The following EPS8L3 variants were observed in gnomAD, a reference collection of about 807,000 sequenced individuals.
The protein encoded by EPS8L3 is epidermal growth factor receptor kinase substrate 8-like protein 3.
A neutral mutation model predicts 88.5 loss-of-function variants in EPS8L3; 80 were observed. That is an observed-to-expected ratio of 0.90 (90% CI 0.75 to 1.09). The LOEUF is 1.09. Ranked by LOEUF, EPS8L3 falls within the 50% of genes least tolerant of loss-of-function variation. The pLI is 0.00. For synonymous variants in EPS8L3, 286 were observed against 291.0 expected (o/e 0.98, Z 0.18); for missense variants, 721 against 735.2 (o/e 0.98, Z 0.22).
chr1:109,758,806 CA>C (rs1650580320), intron 6 of EPS8L3, 143 bp from the exon 7 acceptor site: 1 of 1,113,948 alleles, frequency 9.0e-7, no homozygotes, highest in South Asian at 1.6e-5. Flanking sequence ...CTTCTGGACC[CA>C]CCCCTGACTC....
At position 109,758,561 on chromosome 1, in the gene EPS8L3, G is replaced by A; in HGVS notation, c.564C>T (p.Ile188=). 6.2e-7 allele frequency: 1 copy of A among 1,612,784 alleles called. No individual in the cohort carries two copies. Among genetic ancestry groups the A allele is most frequent in the Non-Finnish European group, 8.5e-7 (1 of 1,179,252 alleles). ...MEQARYLEPG[I]PPEQPHQRTL... ...TCCTCTGGTGGGGCTGTTCTGGAGGGATCCCCGGCTCCAGATAGCGTGCCT... is the reference window on the plus strand; with the variant it reads ...TCCTCTGGTGGGGCTGTTCTGGAGGAATCCCCGGCTCCAGATAGCGTGCCT... Residue 188 remains isoleucine (I), a synonymous_variant, in exon 7 of 19, where the codon ATC becomes ATT. Transcript: ENST00000361965.
intron 12 of EPS8L3, 79 bp downstream of exon 12, chr1:109,756,938 G>T: frequency 6.3e-7 from 1 of 1,575,830 alleles, no homozygotes; most frequent in Non-Finnish European, 8.7e-7. Context: ...ACAACATAGA[G>T]CCTGGCCACC....
At chr1:109,762,650 CA>C (rs1196495578) in intron 1 of EPS8L3, among the ~76,000 whole-genome samples, 2 of 152,204 alleles carry the variant, frequency 1.3e-5, no homozygotes, top group African/African-American at 4.8e-5. Flanking sequence ...ACGTGCCTAG[CA>C]CTGTTCTAAC....
At position 109,750,754 on chromosome 1, in the gene EPS8L3, A is replaced by G. The variant is rs1189960720; in HGVS notation, c.1676T>C (p.Leu559Pro). ...TAGCTCCCCAGGTCTTATGCGAAGT[A>G]GCTGGCTCCCCGTCAGGGACCCAAG... Reference protein sequence around the residue: ...RTLGSLTGSQLLRIRPGELQM... With the variant: ...RTLGSLTGSQPLRIRPGELQM... Residue 559 changes from leucine (L) to proline (P), a missense_variant, in exon 18 of 19, where the codon CTA (leucine) becomes CCA (proline). Transcript: ENST00000361965. 6.2e-7 allele frequency: 1 copy of G among 1,614,214 alleles called. No homozygotes were observed. Among genetic ancestry groups the G allele is most frequent in the Admixed American group, 1.7e-5 (1 of 60,026 alleles).
At chr1:109,754,519 A>G (rs1650100992) in intron 12 of EPS8L3, among the ~76,000 whole-genome samples, 2 of 152,264 alleles carry the variant, frequency 1.3e-5, no homozygotes, top group Non-Finnish European at 2.9e-5. Flanking sequence ...CACATCTGAC[A>G]ATATTACATT....
At chr1:109,756,954 T>C (rs986204847) in intron 12 of EPS8L3, 63 bp downstream of exon 12, 73 of 1,605,854 alleles carry the variant, frequency 4.5e-5, no homozygotes, top group Non-Finnish European at 6.1e-5. Context: ...CCACCTCTGA[T>C]GTCCTGCCTG....
chr1:109,756,889 A>G (rs1650333774), intron 12 of EPS8L3, 128 bp downstream of exon 12: 2 of 1,211,860 alleles, frequency 1.7e-6, no homozygotes, highest in Non-Finnish European at 2.4e-6. Flanking sequence ...AACTCTCTGT[A>G]GAGTCCCCCA....
chr1:109,762,178 C>T (rs568624182), intron 1 of EPS8L3, among the ~76,000 whole-genome samples: 83 of 152,268 alleles, frequency 5.5e-4, no homozygotes, highest in Non-Finnish European at 4.6e-4. Context: ...TAGCCGACCC[C>T]GCCAGAGGAG....
chr1:109,750,356 C>T lies in EPS8L3; in HGVS notation c.*35G>A, dbSNP rs201801498. 209 of 1,612,862 alleles carry T rather than the reference C, an allele frequency of 1.3e-4. No individual in the cohort carries two copies. The Middle Eastern group carries it at 6.5e-3, about 50-fold the overall frequency. On this transcript the variant is annotated 3_prime_UTR_variant, in exon 19 of 19. Transcript: ENST00000361965. The stretch of plus-strand genomic sequence containing the variant: ...TATCAGATCTGCCATCTTGCATCAG[C>T]GGGGCCTGGTTCTTGGAGGTGTCTA...
intron 12 of EPS8L3, among the ~76,000 whole-genome samples, chr1:109,755,849 A>G (rs1211732848): frequency 6.6e-6 from 1 of 152,206 alleles, no homozygotes; most frequent in Non-Finnish European, 1.5e-5. Flanking sequence ...TATTAGGCAA[A>G]TAACTCCAAG....
In EPS8L3 at chr1:109,758,019, T is replaced by C. The variant is rs1356136537; in HGVS notation, c.757A>G (p.Met253Val). The C allele has an allele frequency of 6.2e-7, 1 of 1,614,196 alleles. No homozygotes were observed. The highest frequency in any genetic ancestry group is 1.3e-5 in the African/African-American group (1 of 75,046). The change falls in exon 9 of 19, where the codon ATG (methionine) becomes GTG (valine). Residue 253 changes from methionine (M) to valine (V), a missense_variant. Physicochemically the swap from Met to Val is conservative, Grantham distance 21. Transcript: ENST00000361965. ...NHVLRDIELF[M>V]GKLEKAQAKT... ...GCCTGGGCCTTCTCCAGCTTTCCCA[T>C]GAACAGCTCAATGTCCCTTAGGACA... is the stretch of plus-strand genomic sequence containing the variant.
intron 11 of EPS8L3, 101 bp from the exon 12 acceptor site, chr1:109,757,266 A>G: frequency 7.2e-7 from 1 of 1,381,200 alleles, no homozygotes; most frequent in Non-Finnish European, 9.7e-7. Context: ...TTGCAATGGT[A>G]GGATGTTACC....
chr1:109,752,343 TG>T (rs1244098805), intron 14 of EPS8L3, 150 bp from the exon 15 acceptor site: 17 of 732,698 alleles, frequency 2.3e-5, no homozygotes, highest in Non-Finnish European at 3.4e-5. Context: ...CAGTGTTAGG[TG>T]GGGCTTTCTG....
Position 109,759,175 on chromosome 1 carries a change from GTGTGT to G in EPS8L3, c.405+58_406-59del. The G allele has an allele frequency of 2.2e-5, 34 of 1,580,672 alleles. No homozygotes were observed. Among genetic ancestry groups the G allele is most frequent in the Non-Finnish European group, 2.3e-5 (26 of 1,153,444 alleles). On this transcript the variant is annotated intron_variant, in intron 5 of 18. Coordinates refer to ENST00000361965, the MANE Select transcript of EPS8L3 (RefSeq NM_133181.4). The surrounding 1 kb of genome is among the most constrained non-coding windows in gnomAD (Gnocchi z 4.2). Reference sequence around the variant, plus strand: ...TGTGTGTGTGTGTGTGTGTGTGTGTGTGTGTGTGGTGGGGTGATGGTCGATGAACC... The same window carrying G: ...TGTGTGTGTGTGTGTGTGTGTGTGTGGTGGTGGGGTGATGGTCGATGAACC...
At position 109,757,537 on chromosome 1, in the gene EPS8L3, G is replaced by C; in HGVS notation, c.913C>G (p.Leu305Val). ...FNLLGRLATWLKETSAPELVH... is the reference protein window; with the variant it reads ...FNLLGRLATWVKETSAPELVH... ...AGCTCAGGGGCACTTGTCTCCTTCA[G>C]CCAGGTGGCCAGCCTTCCCTGGGGA... Residue 305 changes from leucine to valine, a missense_variant, in exon 11 of 19, where the codon CTG becomes GTG. Coordinates refer to ENST00000361965, the MANE Select transcript of EPS8L3 (RefSeq NM_133181.4). The C allele has an allele frequency of 6.2e-7, 1 of 1,613,992 alleles. No homozygotes were observed. The highest frequency in any genetic ancestry group is 8.5e-7 in the Non-Finnish European group (1 of 1,179,936).
intron 6 of EPS8L3, among the ~76,000 whole-genome samples, 175 bp from the exon 7 acceptor site, chr1:109,758,838 C>T (rs1650584582): frequency 6.6e-6 from 1 of 152,208 alleles, no homozygotes; most frequent in Admixed American, 6.5e-5. Flanking sequence ...CATCTGCCTA[C>T]CCTCTGGGCC....
intron 1 of EPS8L3, among the ~76,000 whole-genome samples, chr1:109,763,200 GGAT>G (rs1651181106): frequency 6.6e-6 from 1 of 152,204 alleles, no homozygotes; most frequent in African/African-American, 2.4e-5. Flanking sequence ...AGGGACGGCT[GGAT>G]CTCTGGTTTC....
chr1:109,753,605 C>T (rs1298929075), intron 12 of EPS8L3, among the ~76,000 whole-genome samples: 1 of 152,136 alleles, frequency 6.6e-6, no homozygotes, highest in Non-Finnish European at 1.5e-5. Flanking sequence ...AGATCCTTTT[C>T]TTTCTAGCTA....
chr1:109,759,765 C>T lies in EPS8L3; in HGVS notation c.168G>A (p.Glu56=). ...GPEDALQKLF[E]MDAQGRVWSQ... ...TCCACACCCGGCCCTGTGCATCCAT[C>T]TCGAACAGCTTCTGCAAGGCATCCT... Residue 56 remains glutamate (E), a synonymous_variant, in exon 4 of 19, where the codon GAG becomes GAA. Transcript: ENST00000361965. This position sits in a 1 kb window ranked among gnomAD's most constrained non-coding sequence, Gnocchi z 4.2. The T allele has an allele frequency of 6.2e-7, 1 of 1,614,166 alleles. No individual in the cohort carries two copies. Among genetic ancestry groups the T allele is most frequent in the African/African-American group, 1.3e-5 (1 of 75,060 alleles).
Sources: gnomAD v4.1 joint callset for allele counts (sites outside exome capture counted in the v4.1 genomes callset) on GRCh38, gnomAD v4.1.1 for gene constraint, Gnocchi (gnomAD v3.1) non-coding constraint, MANE v1.5 for transcripts, NCBI Gene and HGNC (gene_info 2026-07-23, HGNC 2026-07-21) for gene names.